Variants in ANKS1B observed in about 807,000 individuals in gnomAD.
ANKS1B encodes the protein ankyrin repeat and sterile alpha motif domain containing 1B, also known as ankyrin repeat and sterile alpha motif domain-containing protein 1B.
Under a neutral mutation model 148.3 loss-of-function variants are expected in ANKS1B, and 36 were observed. The ratio of observed to expected loss-of-function variants is 0.24; its 90% CI spans 0.19 to 0.32. The LOEUF is 0.32. ANKS1B is among the 10% of genes least tolerant of loss of function. ANKS1B has a pLI of 1.00. For missense variants in ANKS1B, 1,157 were observed against 1,542.6 expected, an observed-to-expected ratio of 0.75 and a Z score of 4.19; for synonymous variants, 542 against 560.8, an observed-to-expected ratio of 0.97 and a Z score of 0.47.
intron 16 of ANKS1B, among the ~76,000 whole-genome samples, chr12:99,064,646 T>C (rs2043492740): frequency 6.6e-6 from 1 of 152,242 alleles, no homozygotes; most frequent in Non-Finnish European, 1.5e-5. Flanking sequence ...AGTCAGGCAC[T>C]GCTCTTTTTA....
At chr12:99,719,357 C>T (rs554218714) in intron 8 of ANKS1B, among the ~76,000 whole-genome samples, 92 of 152,242 alleles carry the variant, frequency 6.0e-4, no homozygotes, top group Non-Finnish European at 1.1e-3. Flanking sequence ...TCAATCCAGC[C>T]TCCCACATTA....
At chr12:99,851,475 C>G (rs999159332) in intron 1 of ANKS1B, among the ~76,000 whole-genome samples, 4 of 152,046 alleles carry the variant, frequency 2.6e-5, no homozygotes, top group African/African-American at 9.7e-5. Flanking sequence ...CATGGATCTA[C>G]TCCTACTAAT....
intron 11 of ANKS1B, among the ~76,000 whole-genome samples, chr12:99,406,286 T>TA (rs2094531195): frequency 6.9e-6 from 1 of 145,504 alleles, no homozygotes; most frequent in African/African-American, 2.6e-5. Context: ...AAACAAGTCT[T>TA]AAAAAAACTA....
At chr12:99,649,218 T>G in intron 9 of ANKS1B, 1 of 1,193,014 alleles carries the variant, frequency 8.4e-7, no homozygotes, top group South Asian at 1.3e-5. Flanking sequence ...TTCTTTTTGT[T>G]GTTTACCTAT....
intron 9 of ANKS1B, among the ~76,000 whole-genome samples, chr12:99,541,244 CAAAA>C (rs1171215158): frequency 6.6e-6 from 1 of 151,436 alleles, no homozygotes; most frequent in Non-Finnish European, 1.5e-5. Flanking sequence ...AACAAACAAA[CAAAA>C]AACACAAAAA....
At chr12:98,837,995 T>C (rs910753974) in intron 17 of ANKS1B, among the ~76,000 whole-genome samples, 1 of 152,146 alleles carries the variant, frequency 6.6e-6, no homozygotes, top group Non-Finnish European at 1.5e-5. Context: ...ATTTCATTTC[T>C]CCCCCATGAT....
chr12:99,239,396 C>T (rs1413562507), intron 14 of ANKS1B, among the ~76,000 whole-genome samples: 1 of 152,170 alleles, frequency 6.6e-6, no homozygotes, highest in African/African-American at 2.4e-5. Flanking sequence ...TGAACAAAGC[C>T]TCCAAGAAAT....
intron 9 of ANKS1B, among the ~76,000 whole-genome samples, chr12:99,615,531 A>G (rs1480018134): frequency 6.6e-6 from 1 of 152,186 alleles, no homozygotes; most frequent in African/African-American, 2.4e-5. Flanking sequence ...AACAGAACCA[A>G]TGACAAAAAC....
intron 14 of ANKS1B, chr12:99,154,733 T>C (rs1024481397): frequency 2.8e-6 from 4 of 1,439,912 alleles, no homozygotes; most frequent in Non-Finnish European, 3.6e-6. Flanking sequence ...CTGCGTTCTA[T>C]GTGATTGTTG....
At chr12:99,312,922 G>A (rs1335640687) in intron 12 of ANKS1B, among the ~76,000 whole-genome samples, 1 of 151,896 alleles carries the variant, frequency 6.6e-6, no homozygotes. Context: ...TAACTAAGAT[G>A]AGAGCAGAAC....
intron 8 of ANKS1B, among the ~76,000 whole-genome samples, chr12:99,734,921 C>T (rs934027085): frequency 3.3e-5 from 5 of 152,144 alleles, no homozygotes; most frequent in African/African-American, 1.2e-4. Context: ...CTCCATCCCT[C>T]CAGACCCACC....
At chr12:99,523,511 T>C (rs530469696) in intron 9 of ANKS1B, among the ~76,000 whole-genome samples, 4 of 151,726 alleles carry the variant, frequency 2.6e-5, no homozygotes, top group Non-Finnish European at 5.9e-5. Flanking sequence ...TCTCTGTCCC[T>C]GGAGTCTTCA....
At chr12:98,770,196 C>T (rs749415591) in intron 25 of ANKS1B, among the ~76,000 whole-genome samples, 6 of 152,190 alleles carry the variant, frequency 3.9e-5, no homozygotes, top group Non-Finnish European at 8.8e-5. Context: ...TGTTCTCTAG[C>T]TATGAAAATT....
chr12:98,940,865 A>G (rs1323904173), intron 17 of ANKS1B, among the ~76,000 whole-genome samples: 1 of 152,224 alleles, frequency 6.6e-6, no homozygotes, highest in African/African-American at 2.4e-5. Flanking sequence ...ATCTCAAAAA[A>G]TATTTACTAA....
intron 10 of ANKS1B, among the ~76,000 whole-genome samples, chr12:99,477,771 G>C (rs1406052884): frequency 1.3e-5 from 2 of 152,080 alleles, no homozygotes; most frequent in Admixed American, 1.3e-4. Context: ...AGAGTGAAAA[G>C]GAGTGCTAGT....
chr12:98,750,421 C>T (rs1227156553), intron 26 of ANKS1B, among the ~76,000 whole-genome samples: 1 of 151,996 alleles, frequency 6.6e-6, no homozygotes, highest in Non-Finnish European at 1.5e-5. Context: ...AGGGGTAGGC[C>T]CCCAAAAGAA....
intron 9 of ANKS1B, among the ~76,000 whole-genome samples, chr12:99,600,733 G>T (rs951436790): frequency 1.1e-4 from 16 of 152,140 alleles, no homozygotes; most frequent in Admixed American, 8.5e-4. Flanking sequence ...TTCTAAGCAG[G>T]TTTTCTTAAT....
At chr12:99,134,305 T>C (rs564015656) in intron 15 of ANKS1B, among the ~76,000 whole-genome samples, 1 of 152,108 alleles carries the variant, frequency 6.6e-6, no homozygotes, top group Non-Finnish European at 1.5e-5. Context: ...AGAAAAGCTA[T>C]ATGGATCTGG....
At chr12:99,298,051 C>T (rs191506998) in intron 12 of ANKS1B, among the ~76,000 whole-genome samples, 1 of 152,104 alleles carries the variant, frequency 6.6e-6, no homozygotes, top group Non-Finnish European at 1.5e-5. Flanking sequence ...ACTGGCTCTT[C>T]TAGTCAAACT....
Sources: allele counts gnomAD v4.1 joint callset (sites outside exome capture counted in the v4.1 genomes callset), GRCh38; gene constraint gnomAD v4.1.1; transcripts MANE v1.5; gene names NCBI Gene and HGNC (gene_info 2026-07-23, HGNC 2026-07-21).